Variants in DDX43 observed in about 807,000 individuals in gnomAD.
The protein encoded by DDX43 is probable ATP-dependent RNA helicase DDX43.
In DDX43, 50 loss-of-function variants were observed where a neutral mutation model predicts 84.9. The ratio of observed to expected loss-of-function variants is 0.59; its 90% CI spans 0.47 to 0.75. The LOEUF is 0.75. Ranked by LOEUF, DDX43 falls within the 30% of genes least tolerant of loss-of-function variation. The pLI, the probability that DDX43 is intolerant of heterozygous loss-of-function variation, is 0.00. For missense variants in DDX43, 689 were observed against 798.6 expected, an observed-to-expected ratio of 0.86 and a Z score of 1.65; for synonymous variants, 291 against 266.3, an observed-to-expected ratio of 1.09 and a Z score of -0.90.
At chr6:73,414,112 T>C (rs747468033) in intron 13 of DDX43, 33 bp downstream of exon 13, 1 of 1,340,122 alleles carries the variant, frequency 7.5e-7, no homozygotes, top group Admixed American at 1.7e-5. Context: ...TCATACAGTT[T>C]AAAATTAGTG....
intron 13 of DDX43, 124 bp downstream of exon 13, chr6:73,414,203 C>A: frequency 1.6e-6 from 1 of 636,356 alleles, no homozygotes; most frequent in Non-Finnish European, 2.8e-6. Flanking sequence ...CTGTATCCTA[C>A]AACTACACTC....
rs774884842 is a variant in DDX43 at position 73,415,492 on chromosome 6, T to A, written c.1746-5T>A. 1 of 1,608,578 alleles carries A rather than the reference T, an allele frequency of 6.2e-7. No homozygotes were observed. ...ATACATGAGTTTTTTTCCCCCACACTAAAGGAGGACTGGTGTTTCCATTAC... is the reference window on the plus strand; with the variant it reads ...ATACATGAGTTTTTTTCCCCCACACAAAAGGAGGACTGGTGTTTCCATTAC... On this transcript the variant is annotated splice_region_variant and splice_polypyrimidine_tract_variant and intron_variant, in intron 14 of 16. Transcript: ENST00000370336.
At chr6:73,416,325 C>T (rs1408533407) in intron 16 of DDX43, 74 bp downstream of exon 16, 2 of 653,466 alleles carry the variant, frequency 3.1e-6, no homozygotes, top group Non-Finnish European at 5.5e-6. Context: ...ATGTTTATTG[C>T]AATGAGCATG....
rs1173468260 is a variant in DDX43 at position 73,408,005 on chromosome 6, G to C, written c.1083G>C (p.Glu361Asp). 6.2e-7 allele frequency: 1 copy of C among 1,613,660 alleles called. No individual in the cohort carries two copies. Among genetic ancestry groups the C allele is most frequent in the Admixed American group, 1.7e-5 (1 of 60,006 alleles). ...GAAATAGAGATGAACAAATAGAAGA[G>C]CTTAAAAAAGGTGTAGATATCATAA... is the stretch of plus-strand genomic sequence containing the variant. Reference protein sequence around the residue: ...GGGNRDEQIEELKKGVDIIIA... With the variant: ...GGGNRDEQIEDLKKGVDIIIA... Residue 361 changes from glutamate (E) to aspartate (D), a missense_variant, in exon 9 of 17, where the codon GAG becomes GAC. Physicochemically the swap from Glu to Asp is conservative, Grantham distance 45. Transcript: ENST00000370336.
In DDX43 at chr6:73,394,865, G is replaced by C. The variant is rs775625399; in HGVS notation, c.-41G>C. Reference sequence around the variant, plus strand: ...CGACGTCACGGTCAGGTGGTGCAGAGCTGGACGGCAACGACGTCGGACGCG... The same window carrying C: ...CGACGTCACGGTCAGGTGGTGCAGACCTGGACGGCAACGACGTCGGACGCG... On this transcript the variant is annotated 5_prime_UTR_variant, in exon 1 of 17. Transcript: ENST00000370336. The C allele has an allele frequency of 3.7e-6, 6 of 1,605,416 alleles. No individual in the cohort carries two copies. In the African/African-American group the frequency reaches 6.7e-5, roughly 18 times the overall value.
Position 73,412,273 on chromosome 6 carries a change from T to C in DDX43, c.1349T>C (p.Val450Ala). The C allele has an allele frequency of 6.2e-7, 1 of 1,612,252 alleles. No homozygotes were observed. Among genetic ancestry groups the C allele is most frequent in the Non-Finnish European group, 8.5e-7 (1 of 1,179,412 alleles). ...TTGAAAGAACCAATGATTGTCTATGTTGGTACATTGGATCTAGTTGTAAGC... is the reference window on the plus strand; with the variant it reads ...TTGAAAGAACCAATGATTGTCTATGCTGGTACATTGGATCTAGTTGTAAGC... ...SYLKEPMIVY[V>A]GTLDLVAVSS... The change falls in exon 11 of 17, where the codon GTT becomes GCT. Residue 450 changes from valine (V) to alanine (A), a missense_variant. Around this residue, in one of 2 missense-constraint regions of DDX43, gnomAD observed 552 missense variants for 692.7 expected, o/e 0.80. Coordinates refer to ENST00000370336, the MANE Select transcript of DDX43 (RefSeq NM_018665.3).
chr6:73,413,566 C>A, intron 11 of DDX43, 92 bp from the exon 12 acceptor site: 3 of 1,268,260 alleles, frequency 2.4e-6, no homozygotes, highest in South Asian at 1.7e-5. Context: ...AAACATTAAC[C>A]AATGAGAGAG....
chr6:73,415,063 C>T (rs1769875773), intron 14 of DDX43, among the ~76,000 whole-genome samples: 2 of 151,974 alleles, frequency 1.3e-5, no homozygotes, highest in South Asian at 2.1e-4. Context: ...TTTGGGAGGC[C>T]GAGGCAGGTG....
At chr6:73,396,968 A>G (rs540066623) in intron 1 of DDX43, among the ~76,000 whole-genome samples, 11 of 152,338 alleles carry the variant, frequency 7.2e-5, no homozygotes, top group African/African-American at 2.6e-4. Flanking sequence ...TAATCAGTCT[A>G]TGATAAATGG....
At chr6:73,398,733 A>G (rs1338964246) in intron 2 of DDX43, among the ~76,000 whole-genome samples, 2 of 152,206 alleles carry the variant, frequency 1.3e-5, no homozygotes, top group Non-Finnish European at 2.9e-5. Flanking sequence ...TGTATTCTCA[A>G]TCTTAGTGAA....
intron 8 of DDX43, 27 bp downstream of exon 8, chr6:73,407,642 C>A: frequency 7.3e-7 from 1 of 1,375,436 alleles, no homozygotes; most frequent in Non-Finnish European, 1.0e-6. Context: ...CCCATTCCTT[C>A]ACCAGTATCA....
chr6:73,396,936 G>A lies in DDX43; in HGVS notation c.251-753G>A, dbSNP rs553809979. ...AGGCTGAATGGTATTCCATTATTAA[G>A]TATATACCTTACTTTATCTATTAAT... On this transcript the variant is annotated intron_variant, in intron 1 of 16. Transcript: ENST00000370336. 1.0e-3 allele frequency among the ~76,000 whole-genome samples: 154 copies of A among 152,198 alleles called. 2 individuals are homozygous for A. The South Asian group carries it at 0.031, about 31-fold the overall frequency.
At chr6:73,402,966 C>A (rs751287185) in intron 4 of DDX43, among the ~76,000 whole-genome samples, 1 of 152,184 alleles carries the variant, frequency 6.6e-6, no homozygotes, top group African/African-American at 2.4e-5. Context: ...AGCCTTGGCT[C>A]TCGGGAGGAG....
Position 73,412,668 on chromosome 6 carries a change from T to TGTGTGTGTGTGTGTGCGCGCGC in DDX43, c.1368+377_1368+378insTGTGTGTGTGTGTGCGCGCGCG, listed in dbSNP as rs538597626. Among the ~76,000 whole-genome samples, 42 of 108,446 alleles carry TGTGTGTGTGTGTGTGCGCGCGC rather than the reference T, an allele frequency of 3.9e-4. 2 individuals carry two copies. The highest frequency in any genetic ancestry group is 1.3e-3 in the African/African-American group (32 of 25,280). 71.1% of individuals were successfully genotyped at this position (108,446 alleles called of 152,430 possible). Reference sequence around the variant, plus strand: ...GTGTGTGTGTGTGTGTGTGTGTGTGTGCGCGCGCGCGTGTGTGTGTGTGCG... The same window carrying TGTGTGTGTGTGTGTGCGCGCGC: ...GTGTGTGTGTGTGTGTGTGTGTGTGTGTGTGTGTGTGTGTGCGCGCGCGCGCGCGCGCGTGTGTGTGTGTGCG... On this transcript the variant is annotated intron_variant, in intron 11 of 16. Coordinates refer to ENST00000370336, the MANE Select transcript of DDX43 (RefSeq NM_018665.3).
At chr6:73,404,658 T>G (rs753516781) in intron 4 of DDX43, 32 bp from the exon 5 acceptor site, 5 of 1,512,294 alleles carry the variant, frequency 3.3e-6, no homozygotes, top group Non-Finnish European at 4.6e-6. Context: ...CTGTAAAATT[T>G]ATCAAAGTGT....
At position 73,406,408 on chromosome 6, in the gene DDX43, A is replaced by C. The variant is rs1444669087; in HGVS notation, c.852A>C (p.Gly284=). The stretch of plus-strand genomic sequence containing the variant: ...TGTTGCAAGGAATAGATCTTATAGG[A>C]GTAGCCCAGACTGGAACAGGAAAGA... ...PIVLQGIDLI[G]VAQTGTGKTL... Residue 284 remains glycine (G), a synonymous_variant, in exon 7 of 17, where the codon GGA becomes GGC. Coordinates refer to ENST00000370336, the MANE Select transcript of DDX43 (RefSeq NM_018665.3). 1.2e-6 allele frequency: 2 copies of C among 1,613,560 alleles called. No homozygotes were observed. Among genetic ancestry groups the C allele is most frequent in the South Asian group, 1.1e-5 (1 of 91,056 alleles).
In DDX43 at chr6:73,412,668, T is replaced by TGTGTGTGTGTGTGTGTGTGCGC. The variant is rs538597626; in HGVS notation, c.1368+377_1368+378insTGTGTGTGTGTGTGTGTGCGCG. 1.2e-3 allele frequency among the ~76,000 whole-genome samples: 134 copies of TGTGTGTGTGTGTGTGTGTGCGC among 108,426 alleles called. 1 individual carries two copies. Among genetic ancestry groups the TGTGTGTGTGTGTGTGTGTGCGC allele is most frequent in the African/African-American group, 3.9e-3 (99 of 25,266 alleles). 71.1% of individuals were successfully genotyped at this position (108,426 alleles called of 152,430 possible). ...GTGTGTGTGTGTGTGTGTGTGTGTG[T>TGTGTGTGTGTGTGTGTGTGCGC]GCGCGCGCGCGTGTGTGTGTGTGCG... On this transcript the variant is annotated intron_variant, in intron 11 of 16. Transcript: ENST00000370336.
At chr6:73,400,088 CATTG>C in intron 2 of DDX43, 142 bp from the exon 3 acceptor site, 1 of 528,802 alleles carries the variant, frequency 1.9e-6, no homozygotes, top group Non-Finnish European at 3.2e-6. Flanking sequence ...GAAATTTAGA[CATTG>C]ATTGGTGGTA....
At chr6:73,412,652 T>TGC (rs1769811839) in intron 11 of DDX43, among the ~76,000 whole-genome samples, 4 of 83,450 alleles carry the variant, frequency 4.8e-5, no homozygotes, top group Non-Finnish European at 7.8e-5. Flanking sequence ...TGTGTGTGTG[T>TGC]GTGTGTGTGT....
Sources: allele counts gnomAD v4.1 joint callset (sites outside exome capture counted in the v4.1 genomes callset), GRCh38; gene constraint gnomAD v4.1.1; regional missense constraint gnomAD v4.1.1; transcripts MANE v1.5; gene names NCBI Gene and HGNC (gene_info 2026-07-23, HGNC 2026-07-21).